TRIM24: variants seen among roughly 807,000 people sequenced by gnomAD.
TRIM24 encodes tripartite motif containing 24, also known as transcription intermediary factor 1-alpha.
A neutral mutation model predicts 123.9 loss-of-function variants in TRIM24; 29 were observed. The ratio of observed to expected loss-of-function variants is 0.23; its 90% CI spans 0.17 to 0.32. The LOEUF is 0.32. TRIM24 is among the 10% of genes least tolerant of loss of function. The probability of loss-of-function intolerance (pLI) is 1.00; values close to 1 mark genes in which losing one functional copy is unlikely to be tolerated. For missense variants in TRIM24, 932 were observed against 1,295.3 expected (o/e 0.72, Z 4.31); for synonymous variants, 456 against 461.1 (o/e 0.99, Z 0.14).
intron 14 of TRIM24, among the ~76,000 whole-genome samples, chr7:138,578,570 ACG>A (rs1797822830): frequency 1.7e-5 from 2 of 117,462 alleles, no homozygotes; most frequent in African/African-American, 5.8e-5. Flanking sequence ...GTGTGCGCGC[ACG>A]CACGAATGGA....
chr7:138,538,242 A>G (rs3807155), intron 6 of TRIM24, among the ~76,000 whole-genome samples: 55,083 of 152,122 alleles, frequency 0.36, 10,121 homozygotes, highest in East Asian at 0.51. Flanking sequence ...CAACTGTTAA[A>G]TAGAATCCCT....
At chr7:138,473,753 A>G (rs1476191136) in intron 1 of TRIM24, among the ~76,000 whole-genome samples, 1 of 152,196 alleles carries the variant, frequency 6.6e-6, no homozygotes, top group Non-Finnish European at 1.5e-5. Context: ...TTTAGTCAGT[A>G]TGTTATAGCC....
At chr7:138,498,956 G>A (rs998256492) in intron 1 of TRIM24, among the ~76,000 whole-genome samples, 4 of 152,114 alleles carry the variant, frequency 2.6e-5, no homozygotes, top group Non-Finnish European at 5.9e-5. Context: ...TTTTTTAAAT[G>A]TCAATTGGAT....
intron 1 of TRIM24, among the ~76,000 whole-genome samples, chr7:138,480,525 CT>C (rs1795503143): frequency 1.3e-5 from 2 of 152,122 alleles, no homozygotes; most frequent in African/African-American, 4.8e-5. Flanking sequence ...GAAATGTTGC[CT>C]GTTTTTTGCT....
chr7:138,488,289 A>G (rs1210135963), intron 1 of TRIM24, among the ~76,000 whole-genome samples: 1 of 151,770 alleles, frequency 6.6e-6, no homozygotes, highest in Non-Finnish European at 1.5e-5. Context: ...CTTTTCAAAA[A>G]AAAAACAGCT....
At chr7:138,564,327 G>T (rs773317817) in intron 9 of TRIM24, among the ~76,000 whole-genome samples, 6 of 152,118 alleles carry the variant, frequency 3.9e-5, no homozygotes, top group Admixed American at 3.3e-4. Flanking sequence ...ACCTCCTGGG[G>T]CTCCGATCTT....
At chr7:138,528,242 AG>A (rs1356163620) in intron 5 of TRIM24, among the ~76,000 whole-genome samples, 4 of 152,348 alleles carry the variant, frequency 2.6e-5, no homozygotes, top group Non-Finnish European at 5.9e-5. Context: ...CAATGCTTGA[AG>A]TTACTAGTTA....
At chr7:138,529,967 T>A (rs1450520707) in intron 6 of TRIM24, among the ~76,000 whole-genome samples, 2 of 152,128 alleles carry the variant, frequency 1.3e-5, no homozygotes, top group African/African-American at 4.8e-5. Context: ...GTTTGAAGAT[T>A]TGAGGAAAAA....
chr7:138,505,277 A>G (rs569755690), intron 2 of TRIM24, among the ~76,000 whole-genome samples: 119 of 152,304 alleles, frequency 7.8e-4, no homozygotes, highest in African/African-American at 2.8e-3. Flanking sequence ...CAGAGAAACC[A>G]TTATTCTATA....
chr7:138,496,533 T>G (rs1795909360), intron 1 of TRIM24, among the ~76,000 whole-genome samples: 1 of 152,250 alleles, frequency 6.6e-6, no homozygotes, highest in Non-Finnish European at 1.5e-5. Flanking sequence ...CTGTATTTCA[T>G]CATTAAATAT....
At chr7:138,472,443 T>C (rs946058607) in intron 1 of TRIM24, among the ~76,000 whole-genome samples, 1 of 152,132 alleles carries the variant, frequency 6.6e-6, no homozygotes, top group Non-Finnish European at 1.5e-5. Context: ...GGTGTGTGTG[T>C]CCTCAAAATG....
intron 9 of TRIM24, among the ~76,000 whole-genome samples, chr7:138,557,285 C>T (rs1052916985): frequency 9.2e-5 from 14 of 152,142 alleles, no homozygotes; most frequent in African/African-American, 2.9e-4. Flanking sequence ...TTAATTTCGG[C>T]TTCATTCCCC....
chr7:138,568,750 G>T (rs1797591873), intron 10 of TRIM24, among the ~76,000 whole-genome samples: 1 of 151,768 alleles, frequency 6.6e-6, no homozygotes, highest in South Asian at 2.1e-4. Flanking sequence ...TTATCTTAAA[G>T]TTATCACAGT....
chr7:138,575,620 G>A (rs888695738), intron 12 of TRIM24, among the ~76,000 whole-genome samples: 2 of 151,862 alleles, frequency 1.3e-5, no homozygotes, highest in Admixed American at 1.3e-4. Flanking sequence ...CTGTCAATTC[G>A]GAATTTTTTT....
chr7:138,560,175 A>AT (rs1337976780), intron 9 of TRIM24, among the ~76,000 whole-genome samples: 3 of 152,220 alleles, frequency 2.0e-5, no homozygotes, highest in Non-Finnish European at 4.4e-5. Flanking sequence ...CAGTAGCTGT[A>AT]TAAGTGTCCA....
intron 1 of TRIM24, among the ~76,000 whole-genome samples, chr7:138,495,850 C>A (rs1795894802): frequency 6.6e-6 from 1 of 152,092 alleles, no homozygotes; most frequent in Non-Finnish European, 1.5e-5. Context: ...GAAATTCTTG[C>A]CCATTTTATT....
rs77657030 is a variant in TRIM24, at chr7:138,513,810, T to C, written c.484-1402T>C. Reference sequence around the variant, plus strand: ...ACACTTTTCCTGTTTTATTTCATTTTATGTACTAACAATCTCTCCTGAGTG... The same window carrying C: ...ACACTTTTCCTGTTTTATTTCATTTCATGTACTAACAATCTCTCCTGAGTG... On this transcript the variant is annotated intron_variant, in intron 2 of 18. Coordinates refer to ENST00000343526, the MANE Select transcript of TRIM24 (RefSeq NM_015905.3). Among the ~76,000 whole-genome samples, 649 of 152,360 alleles carry C rather than the reference T, an allele frequency of 4.3e-3. 6 individuals are homozygous for C. The highest frequency in any genetic ancestry group is 0.015 in the African/African-American group (634 of 41,584).
At chr7:138,469,510 C>T (rs1351294828) in intron 1 of TRIM24, among the ~76,000 whole-genome samples, 3 of 151,974 alleles carry the variant, frequency 2.0e-5, no homozygotes, top group Non-Finnish European at 2.9e-5. Context: ...GGGATTTTAC[C>T]CTGTTGGCCT....
rs60386130 is a variant in TRIM24 at position 138,568,379 on chromosome 7, C to CTTTTTTTTTTTTTTTTTTTTT, written c.1704+735_1704+755dup. Among the ~76,000 whole-genome samples the CTTTTTTTTTTTTTTTTTTTTT allele has an allele frequency of 4.1e-4, 28 of 68,700 alleles. 5 individuals carry two copies. Among genetic ancestry groups the CTTTTTTTTTTTTTTTTTTTTT allele is most frequent in the East Asian group, 1.2e-3 (2 of 1,610 alleles). 45.1% of individuals were successfully genotyped at this position (68,700 alleles called of 152,430 possible). Reference sequence around the variant, plus strand: ...CTCGTAAGCCACCGTACCTGGCCTCCTTTTTTTTTTTTTTTTTTTTTTTTT... The same window carrying CTTTTTTTTTTTTTTTTTTTTT: ...CTCGTAAGCCACCGTACCTGGCCTCCTTTTTTTTTTTTTTTTTTTTTTTTTTTTTTTTTTTTTTTTTTTTTT... On this transcript the variant is annotated intron_variant, in intron 10 of 18. Coordinates refer to ENST00000343526, the MANE Select transcript of TRIM24 (RefSeq NM_015905.3).
Sources: allele counts gnomAD v4.1 joint callset (sites outside exome capture counted in the v4.1 genomes callset), GRCh38; gene constraint gnomAD v4.1.1; transcripts MANE v1.5; gene names NCBI Gene and HGNC (gene_info 2026-07-23, HGNC 2026-07-21).